TANC2: variants seen among roughly 807,000 people sequenced by gnomAD.
The protein encoded by TANC2 is tetratricopeptide repeat, ankyrin repeat and coiled-coil containing 2.
Under a neutral mutation model 210.5 loss-of-function variants are expected in TANC2, and 26 were observed. The observed-to-expected ratio is 0.12, with a 90% CI of 0.09 to 0.17. TANC2 has a LOEUF of 0.17. Ranked by LOEUF, TANC2 falls within the 10% of genes least tolerant of loss-of-function variation. The pLI is 1.00. For missense variants in TANC2, 2,129 were observed against 2,608.9 expected (o/e 0.82, Z 4.01); for synonymous variants, 931 against 967.1 (o/e 0.96, Z 0.69).
rs945520646 is a variant in TANC2, at chr17:63,389,188, T to C, written c.2815-120T>C. The stretch of plus-strand genomic sequence containing the variant: ...AAAAGGAGCAAATGAGATTATAAAA[T>C]AAAGCAATTACTAAATGCTACTAGA... On this transcript the variant is annotated intron_variant, in intron 16 of 27. Transcript: ENST00000689528. 6 of 742,784 alleles carry C rather than the reference T, an allele frequency of 8.1e-6. No individual in the cohort carries two copies. The African/African-American group carries it at 1.1e-4, about 13-fold the overall frequency. The allele number at this position is 742,784 out of a possible 1,614,324, so 46.0% of individuals were successfully genotyped here.
At chr17:63,246,858 C>CT in intron 8 of TANC2, among the ~76,000 whole-genome samples, 1 of 152,152 alleles carries the variant, frequency 6.6e-6, no homozygotes, top group Middle Eastern at 3.4e-3. Context: ...TTATGGTAAG[C>CT]TTATATTTAA....
At chr17:63,391,155 A>C (rs2147166362) in intron 17 of TANC2, 1 of 152,256 alleles carries the variant, frequency 6.6e-6, no homozygotes, top group East Asian at 1.9e-4. Context: ...CAGTTTCTAC[A>C]AACCTATGAA....
At chr17:63,084,830 C>T (rs1185946605) in intron 3 of TANC2, among the ~76,000 whole-genome samples, 3 of 152,044 alleles carry the variant, frequency 2.0e-5, no homozygotes, top group Non-Finnish European at 4.4e-5. Context: ...CTGTTGTGGT[C>T]TTAGAGCAAC....
At chr17:63,402,060 A>G (rs1215609155) in intron 19 of TANC2, among the ~76,000 whole-genome samples, 1 of 152,212 alleles carries the variant, frequency 6.6e-6, no homozygotes, top group Non-Finnish European at 1.5e-5. Context: ...TACTACTTGT[A>G]GGATTAAGTC....
intron 7 of TANC2, among the ~76,000 whole-genome samples, chr17:63,218,554 A>G (rs2042084114): frequency 6.6e-6 from 1 of 152,158 alleles, no homozygotes; most frequent in South Asian, 2.1e-4. Flanking sequence ...TCCAGACATG[A>G]TACTCTGTGT....
At chr17:63,000,244 CTGGCA>C (rs10571977) in intron 1 of TANC2, among the ~76,000 whole-genome samples, 3,182 of 152,192 alleles carry the variant, frequency 0.021, 100 homozygotes, top group African/African-American at 0.071. Context: ...AAATAAAAAG[CTGGCA>C]TTAGAATGGA....
At chr17:63,378,360 ACTTAAAAT>A (rs910233810) in intron 14 of TANC2, among the ~76,000 whole-genome samples, 3 of 152,146 alleles carry the variant, frequency 2.0e-5, no homozygotes, top group African/African-American at 7.2e-5. Context: ...ACACATTAAC[ACTTAAAAT>A]AAGTGTATCA....
At chr17:63,036,540 G>A (rs886140978) in intron 2 of TANC2, among the ~76,000 whole-genome samples, 1 of 152,136 alleles carries the variant, frequency 6.6e-6, no homozygotes, top group South Asian at 2.1e-4. Flanking sequence ...AAATAGGGTA[G>A]TATAATTCCT....
At chr17:63,427,079 GT>G (rs745489555) in exon 28 of TANC2, 5 of 152,288 alleles carry the variant, frequency 3.3e-5, no homozygotes, top group East Asian at 1.9e-4. Flanking sequence ...GTTTTGTTTT[GT>G]TTTTTGTTTC....
At chr17:63,008,660 T>A (rs1270147211) in intron 1 of TANC2, among the ~76,000 whole-genome samples, 1 of 152,090 alleles carries the variant, frequency 6.6e-6, no homozygotes, top group Non-Finnish European at 1.5e-5. Flanking sequence ...GATGATTTTT[T>A]AAAATAAAAT....
chr17:63,220,474 G>A (rs919558962), intron 7 of TANC2, among the ~76,000 whole-genome samples: 24 of 151,368 alleles, frequency 1.6e-4, no homozygotes, highest in African/African-American at 5.3e-4. Context: ...GGCTGAGGTG[G>A]GCAGATCACT....
intron 1 of TANC2, among the ~76,000 whole-genome samples, chr17:62,980,260 G>T (rs2032234884): frequency 6.6e-6 from 1 of 152,132 alleles, no homozygotes. Context: ...GTTTCTTATT[G>T]CTGCATCTAG....
chr17:63,126,592 A>G (rs146558030), intron 4 of TANC2, among the ~76,000 whole-genome samples: 24 of 152,190 alleles, frequency 1.6e-4, no homozygotes, highest in Non-Finnish European at 2.9e-4. Flanking sequence ...ATTTTTTAAT[A>G]GAGATGGAGT....
At chr17:63,132,316 G>A (rs559442282) in intron 4 of TANC2, among the ~76,000 whole-genome samples, 8 of 151,922 alleles carry the variant, frequency 5.3e-5, no homozygotes, top group Non-Finnish European at 5.9e-5. Context: ...AAAAACCAGA[G>A]GTGGCAAGAG....
chr17:63,355,182 C>T, exon 14 of TANC2: 1 of 1,613,842 alleles, frequency 6.2e-7, no homozygotes, highest in Non-Finnish European at 8.5e-7. Flanking sequence ...TCTCCACCCA[C>T]TGACTGATGA....
chr17:63,022,376 G>T (rs1471471089), intron 2 of TANC2, among the ~76,000 whole-genome samples: 1 of 151,424 alleles, frequency 6.6e-6, no homozygotes, highest in Non-Finnish European at 1.5e-5. Flanking sequence ...TAGGATTTCT[G>T]GTGGAAGAAA....
At chr17:63,167,336 T>C (rs2040243110) in intron 5 of TANC2, among the ~76,000 whole-genome samples, 1 of 152,130 alleles carries the variant, frequency 6.6e-6, no homozygotes, top group Non-Finnish European at 1.5e-5. Flanking sequence ...TGAAAAAATA[T>C]AATTATATTG....
intron 5 of TANC2, among the ~76,000 whole-genome samples, chr17:63,186,775 T>TG (rs1318554075): frequency 1.3e-5 from 2 of 152,248 alleles, no homozygotes; most frequent in East Asian, 3.8e-4. Context: ...GCCTAATGCG[T>TG]AAACACACTG....
chr17:63,203,290 A>G (rs939087095), intron 7 of TANC2, among the ~76,000 whole-genome samples: 4 of 152,198 alleles, frequency 2.6e-5, no homozygotes, highest in Admixed American at 6.5e-5. Flanking sequence ...TGGCTGTAAA[A>G]TCTTACCTGA....
Sources: gnomAD v4.1 joint callset for allele counts (sites outside exome capture counted in the v4.1 genomes callset) on GRCh38, gnomAD v4.1.1 for gene constraint, MANE v1.5 for transcripts, NCBI Gene and HGNC (gene_info 2026-07-23, HGNC 2026-07-21) for gene names.